SLCO3A1: variants seen among roughly 807,000 people sequenced by gnomAD.
SLCO3A1 encodes the protein PGE1 transporter.
SLCO3A1 carries 27 observed loss-of-function variants against 63.1 expected under a neutral mutation model. The ratio of observed to expected loss-of-function variants is 0.43; its 90% CI spans 0.32 to 0.59. The LOEUF (loss-of-function observed/expected upper bound fraction) is 0.59, where lower values mean the gene tolerates loss of function less well. SLCO3A1 is among the 20% of genes least tolerant of loss of function. The pLI is 0.09. For synonymous variants in SLCO3A1, 473 were observed against 409.9 expected, an observed-to-expected ratio of 1.15 and a Z score of -1.86; for missense variants, 773 against 945.8, an observed-to-expected ratio of 0.82 and a Z score of 2.40.
intron 4 of SLCO3A1, among the ~76,000 whole-genome samples, chr15:92,107,447 C>T (rs1321582978): frequency 6.6e-6 from 1 of 152,230 alleles, no homozygotes; most frequent in Non-Finnish European, 1.5e-5. Context: ...AAGCACCATG[C>T]AGTGCACCCT....
chr15:92,045,796 T>G (rs898488238), intron 2 of SLCO3A1, among the ~76,000 whole-genome samples: 8 of 152,172 alleles, frequency 5.3e-5, no homozygotes, highest in Non-Finnish European at 1.2e-4. Flanking sequence ...TTTCCCTTTC[T>G]CACATAAGCC....
intron 2 of SLCO3A1, among the ~76,000 whole-genome samples, chr15:91,945,851 A>ATTTTCT (rs1899788603): frequency 6.6e-6 from 1 of 152,220 alleles, no homozygotes. Context: ...AAGGTTGGAG[A>ATTTTCT]GATTTTCAAG....
intron 2 of SLCO3A1, among the ~76,000 whole-genome samples, chr15:92,023,199 G>T (rs1397019484): frequency 6.6e-6 from 1 of 152,122 alleles, no homozygotes; most frequent in Admixed American, 6.5e-5. Flanking sequence ...ATATTTCCCT[G>T]CAGCCTTACA....
At chr15:92,047,053 A>T (rs11637739) in intron 2 of SLCO3A1, among the ~76,000 whole-genome samples, 2 of 31,562 alleles carry the variant, frequency 6.3e-5, no homozygotes. Flanking sequence ...TATATATATA[A>T]TATATAAATA....
intron 9 of SLCO3A1, among the ~76,000 whole-genome samples, chr15:92,159,362 G>C (rs745631630): frequency 6.6e-6 from 1 of 152,030 alleles, no homozygotes; most frequent in Non-Finnish European, 1.5e-5. Flanking sequence ...GCAGGCACCT[G>C]TAGTCCCAGC....
At chr15:92,145,219 C>T (rs1305222349) in intron 7 of SLCO3A1, among the ~76,000 whole-genome samples, 1 of 152,118 alleles carries the variant, frequency 6.6e-6, no homozygotes, top group Non-Finnish European at 1.5e-5. Flanking sequence ...TCAGAGTCAG[C>T]TGAGAGCGTG....
chr15:92,011,829 G>T (rs1462980262), intron 2 of SLCO3A1, among the ~76,000 whole-genome samples: 1 of 152,248 alleles, frequency 6.6e-6, no homozygotes, highest in Non-Finnish European at 1.5e-5. Context: ...GTGGCTAGCA[G>T]CCCTCTAGTG....
chr15:92,057,247 G>A (rs1304900551), intron 2 of SLCO3A1, among the ~76,000 whole-genome samples: 1 of 152,202 alleles, frequency 6.6e-6, no homozygotes, highest in Non-Finnish European at 1.5e-5. Flanking sequence ...GGAAGAGTGG[G>A]TCCCATGCCC....
At chr15:91,952,445 C>T (rs924649084) in intron 2 of SLCO3A1, among the ~76,000 whole-genome samples, 4 of 152,218 alleles carry the variant, frequency 2.6e-5, no homozygotes, top group Admixed American at 2.6e-4. Context: ...GAGCACCTGG[C>T]ATAAAGTAGG....
intron 1 of SLCO3A1, among the ~76,000 whole-genome samples, chr15:91,880,401 C>G (rs548297589): frequency 0.45 from 60,345 of 132,790 alleles, 12,974 homozygotes; most frequent in African/African-American, 0.56. Flanking sequence ...CTCTCTCTCT[C>G]TCTCTCTCTG....
At chr15:92,060,047 A>G (rs2047067876) in intron 2 of SLCO3A1, among the ~76,000 whole-genome samples, 1 of 152,182 alleles carries the variant, frequency 6.6e-6, no homozygotes. Flanking sequence ...TTGTGTATCT[A>G]AACATAGAAA....
rs2047920736 is a variant in SLCO3A1 at position 92,126,207 on chromosome 15, C to G, written c.1321C>G (p.Leu441Val). 1 of 1,613,924 alleles carries G rather than the reference C, an allele frequency of 6.2e-7. No individual in the cohort carries two copies. The highest frequency in any genetic ancestry group is 2.2e-5 in the East Asian group (1 of 44,862). The part of the protein sequence containing the change: ...STACYVSFLF[L>V]GCDTGPVAGV... Reference sequence around the variant, plus strand: ...TGCTTGCTACGTCTCCTTCCTCTTCCTGGGCTGCGACACTGGCCCTGTGGC... The same window carrying G: ...TGCTTGCTACGTCTCCTTCCTCTTCGTGGGCTGCGACACTGGCCCTGTGGC... The change falls in exon 6 of 10, where the codon CTG becomes GTG. Residue 441 changes from leucine to valine, a missense_variant. Leu to Val is a conservative substitution (Grantham distance 32). Transcript: ENST00000318445.
In SLCO3A1 at chr15:91,854,075, T is replaced by A. The variant is rs755537012; in HGVS notation, c.167T>A (p.Val56Glu). ...ECALMLAQGTVGAYLVSVLTT... is the reference protein window; with the variant it reads ...ECALMLAQGTEGAYLVSVLTT... ...GCCCTGATGCTGGCGCAGGGCACGG[T>A]GGGCGCCTACCTGGTGAGTCCCCGA... is the stretch of plus-strand genomic sequence containing the variant. The change falls in exon 1 of 10, where the codon GTG (valine) becomes GAG (glutamate). Residue 56 changes from valine (V) to glutamate (E), a missense_variant. Transcript: ENST00000318445. This position sits in a 1 kb window ranked among gnomAD's most constrained non-coding sequence, Gnocchi z 6.4. 1 of 1,517,204 alleles carries A rather than the reference T, an allele frequency of 6.6e-7. No homozygotes were observed. The highest frequency in any genetic ancestry group is 8.9e-7 in the Non-Finnish European group (1 of 1,127,970). 94.0% of individuals were successfully genotyped at this position (1,517,204 alleles called of 1,614,324 possible). A position where few individuals can be genotyped will look rare whatever the true frequency, so the allele number is the denominator to read the frequency against.
intron 2 of SLCO3A1, among the ~76,000 whole-genome samples, chr15:91,990,595 AGTT>A: frequency 6.6e-6 from 1 of 151,536 alleles, no homozygotes; most frequent in East Asian, 1.9e-4. Flanking sequence ...GTATATACTC[AGTT>A]GTGTATTACC....
At chr15:92,091,693 C>T (rs1490049636) in intron 2 of SLCO3A1, among the ~76,000 whole-genome samples, 1 of 152,172 alleles carries the variant, frequency 6.6e-6, no homozygotes, top group Non-Finnish European at 1.5e-5. Flanking sequence ...GGTGGTTTAC[C>T]TTGAGGTCCG....
At chr15:92,099,995 G>A (rs1036405487) in intron 3 of SLCO3A1, among the ~76,000 whole-genome samples, 1 of 151,754 alleles carries the variant, frequency 6.6e-6, no homozygotes, top group Non-Finnish European at 1.5e-5. Context: ...GAACCCAGGA[G>A]GTGGAGGTTG....
chr15:92,021,118 C>G (rs2046504014), intron 2 of SLCO3A1, among the ~76,000 whole-genome samples: 1 of 152,218 alleles, frequency 6.6e-6, no homozygotes, highest in Non-Finnish European at 1.5e-5. Flanking sequence ...GCCACTATCC[C>G]TATCATCACC....
At chr15:92,102,378 G>A (rs1047286203) in intron 3 of SLCO3A1, among the ~76,000 whole-genome samples, 4 of 152,016 alleles carry the variant, frequency 2.6e-5, no homozygotes, top group Non-Finnish European at 5.9e-5. Context: ...ATACATATAT[G>A]TACATAAAAG....
intron 2 of SLCO3A1, among the ~76,000 whole-genome samples, chr15:91,931,950 T>C (rs974301916): frequency 1.3e-5 from 2 of 152,134 alleles, no homozygotes; most frequent in African/African-American, 2.4e-5. Flanking sequence ...TGAAGAGACT[T>C]TTAGTGTAAA....
Sources: gnomAD v4.1 joint callset for allele counts (sites outside exome capture counted in the v4.1 genomes callset) on GRCh38, gnomAD v4.1.1 for gene constraint, Gnocchi (gnomAD v3.1) non-coding constraint, MANE v1.5 for transcripts, NCBI Gene and HGNC (gene_info 2026-07-23, HGNC 2026-07-21) for gene names.